The following AHI1 variants were observed in gnomAD, a reference collection of about 807,000 sequenced individuals.
AHI1 encodes Abelson helper integration site 1, also known as jouberin.
In AHI1, 123 loss-of-function variants were observed where a neutral mutation model predicts 149.3. The ratio of observed to expected loss-of-function variants is 0.82; its 90% confidence interval spans 0.71 to 0.96. The LOEUF (loss-of-function observed/expected upper bound fraction) is 0.96. Ranked by LOEUF, AHI1 falls within the 40% of genes least tolerant of loss-of-function variation. AHI1 has a pLI of 0.00. For synonymous variants in AHI1, 475 were observed against 459.8 expected (o/e 1.03, Z -0.42); for missense variants, 1,439 against 1,422.7 (o/e 1.01, Z -0.18).
At chr6:135,402,385 A>G (rs963416090) in intron 22 of AHI1, among the ~76,000 whole-genome samples, 1 of 152,222 alleles carries the variant, frequency 6.6e-6, no homozygotes, top group African/African-American at 2.4e-5. Flanking sequence ...TTGTAGGAGT[A>G]TTATCTTAAT....
intron 24 of AHI1, among the ~76,000 whole-genome samples, chr6:135,354,347 A>C (rs1792625915): frequency 6.6e-6 from 1 of 152,158 alleles, no homozygotes; most frequent in African/African-American, 2.4e-5. Flanking sequence ...AACAGTACTC[A>C]AGACACTAGA....
At chr6:135,310,400 G>A (rs1204232511) in intron 26 of AHI1, among the ~76,000 whole-genome samples, 1 of 152,162 alleles carries the variant, frequency 6.6e-6, no homozygotes, top group African/African-American at 2.4e-5. Context: ...AAAATTTTGC[G>A]TGTATGTGTG....
chr6:135,387,077 T>A (rs1286943190), intron 23 of AHI1, among the ~76,000 whole-genome samples: 1 of 152,108 alleles, frequency 6.6e-6, no homozygotes, highest in East Asian at 1.9e-4. Context: ...TAGACAGAGC[T>A]TCGTCATGTT....
chr6:135,421,736 A>G (rs1783191826), intron 20 of AHI1, among the ~76,000 whole-genome samples: 1 of 152,206 alleles, frequency 6.6e-6, no homozygotes, highest in Non-Finnish European at 1.5e-5. Context: ...AGTTTTCCAT[A>G]TGTCTTGAGT....
chr6:135,463,127 G>A lies in AHI1; in HGVS notation c.929C>T (p.Ala310Val). 1 of 1,572,858 alleles carries A rather than the reference G, an allele frequency of 6.4e-7. No individual in the cohort carries two copies. Among genetic ancestry groups the A allele is most frequent in the South Asian group, 1.2e-5 (1 of 81,598 alleles). Residue 310 changes from alanine to valine, a missense_variant and splice_region_variant, in exon 8 of 29, where the codon GCA becomes GTA. Transcript: ENST00000265602. Reference protein sequence around the residue: ...KPKKTKKKTKAVADNNEDVDG... With the variant: ...KPKKTKKKTKVVADNNEDVDG... Reference sequence around the variant, plus strand: ...TTCATTTAATTTGTATAGCAAACCTGCTTTAGTCTTCTTTTTTGTTTTTTT... The same window carrying A: ...TTCATTTAATTTGTATAGCAAACCTACTTTAGTCTTCTTTTTTGTTTTTTT...
intron 28 of AHI1, among the ~76,000 whole-genome samples, chr6:135,287,397 G>A (rs1240477487): frequency 6.6e-6 from 1 of 152,176 alleles, no homozygotes; most frequent in African/African-American, 2.4e-5. Context: ...CAAAGATGGC[G>A]CATAAAAGGG....
intron 23 of AHI1, among the ~76,000 whole-genome samples, chr6:135,364,954 T>TGGGAGC (rs1310717767): frequency 2.1e-5 from 3 of 144,040 alleles, no homozygotes; most frequent in African/African-American, 8.1e-5. Flanking sequence ...GGAGAGGGAG[T>TGGGAGC]GGGAGCGGGA....
chr6:135,479,163 C>A (rs1454025910), intron 5 of AHI1, among the ~76,000 whole-genome samples: 2 of 152,220 alleles, frequency 1.3e-5, no homozygotes, highest in African/African-American at 4.8e-5. Flanking sequence ...GGGGTTACAG[C>A]CCCCACACAG....
At position 135,448,404 on chromosome 6, in the gene AHI1, C is replaced by A; in HGVS notation, c.1512G>T (p.Lys504Asn). 1.2e-6 allele frequency: 2 copies of A among 1,603,672 alleles called. No homozygotes were observed. The highest frequency in any genetic ancestry group is 1.7e-6 in the Non-Finnish European group (2 of 1,173,240). ...CAACAACACTTAATGGGGATCGAGGCTTAGTAGGTGGGTAATATAGCTGCA... is the reference window on the plus strand; with the variant it reads ...CAACAACACTTAATGGGGATCGAGGATTAGTAGGTGGGTAATATAGCTGCA... ...LRLQLYYPPT[K>N]PRSPLSVVEA... The change falls in exon 12 of 29, where the codon AAG (lysine) becomes AAT (asparagine). Residue 504 changes from lysine (K) to asparagine (N), a missense_variant. Transcript: ENST00000265602.
chr6:135,450,972 G>T (rs935702172), intron 11 of AHI1, among the ~76,000 whole-genome samples: 1 of 150,318 alleles, frequency 6.7e-6, no homozygotes, highest in African/African-American at 2.4e-5. Flanking sequence ...GGTAATAAAA[G>T]ATTTAAATTT....
Position 135,427,164 on chromosome 6 carries a change from T to G in AHI1, c.2764+3A>C. 1 of 1,608,812 alleles carries G rather than the reference T, an allele frequency of 6.2e-7. No homozygotes were observed. Among genetic ancestry groups the G allele is most frequent in the Non-Finnish European group, 8.5e-7 (1 of 1,176,764 alleles). ...TTCTTTACTTATCAAGTGGTAGACTTACCATGGAAATCGTAAATATACAGA... is the reference window on the plus strand; with the variant it reads ...TTCTTTACTTATCAAGTGGTAGACTGACCATGGAAATCGTAAATATACAGA... On this transcript the variant is annotated splice_donor_region_variant and intron_variant, in intron 20 of 28. Transcript: ENST00000265602.
At chr6:135,339,253 T>A (rs1789916468) in intron 24 of AHI1, among the ~76,000 whole-genome samples, 1 of 152,210 alleles carries the variant, frequency 6.6e-6, no homozygotes, top group Non-Finnish European at 1.5e-5. Flanking sequence ...CCACATTATA[T>A]AATCTCAAAT....
intron 24 of AHI1, among the ~76,000 whole-genome samples, chr6:135,330,221 T>G (rs550701440): frequency 1.3e-5 from 2 of 152,234 alleles, no homozygotes; most frequent in African/African-American, 4.8e-5. Context: ...CAGCACTACA[T>G]GCTACAGAGA....
intron 5 of AHI1, among the ~76,000 whole-genome samples, chr6:135,471,848 T>TA (rs1791754222): frequency 6.6e-6 from 1 of 150,572 alleles, no homozygotes; most frequent in African/African-American, 2.4e-5. Context: ...CCGTCTCTAC[T>TA]AAAAATACAA....
intron 21 of AHI1, among the ~76,000 whole-genome samples, chr6:135,405,580 C>A (rs1177135602): frequency 1.3e-5 from 2 of 151,988 alleles, no homozygotes; most frequent in Non-Finnish European, 1.5e-5. Context: ...TCAAGTCTGG[C>A]CGGGTACGGT....
intron 23 of AHI1, among the ~76,000 whole-genome samples, chr6:135,377,142 G>A (rs1362706422): frequency 6.6e-6 from 1 of 151,912 alleles, no homozygotes; most frequent in East Asian, 1.9e-4. Context: ...ATTTTTCTTA[G>A]GTATGATAAT....
At position 135,411,475 on chromosome 6, in the gene AHI1, C is replaced by T; in HGVS notation, c.2834G>A (p.Ser945Asn). 3.1e-6 allele frequency: 5 copies of T among 1,613,160 alleles called. No homozygotes were observed. In the South Asian group the frequency reaches 4.4e-5, roughly 14 times the overall value. The change falls in exon 21 of 29, where the codon AGT becomes AAT. Residue 945 changes from serine (S) to asparagine (N), a missense_variant. Transcript: ENST00000265602. Reference sequence around the variant, plus strand: ...TGGACAGGTACATAGGGCATCTTGACTTTGGTGTATTCCAGGTAATGGAAA... The same window carrying T: ...TGGACAGGTACATAGGGCATCTTGATTTTGGTGTATTCCAGGTAATGGAAA... ...GTFPLPGIHQ[S>N]QDALCTCPKL...
chr6:135,474,382 T>C (rs1460589750), intron 5 of AHI1: 1 of 152,230 alleles, frequency 6.6e-6, no homozygotes, highest in Non-Finnish European at 1.5e-5. Flanking sequence ...ACACAGTGAC[T>C]GACACATGCT....
intron 23 of AHI1, among the ~76,000 whole-genome samples, chr6:135,394,390 T>A (rs1421095132): frequency 1.3e-5 from 2 of 152,058 alleles, no homozygotes; most frequent in East Asian, 1.9e-4. Flanking sequence ...ACAGGTTACA[T>A]CCTATTTCTG....
Sources: gnomAD v4.1 joint callset for allele counts (sites outside exome capture counted in the v4.1 genomes callset) on GRCh38, gnomAD v4.1.1 for gene constraint, MANE v1.5 for transcripts, NCBI Gene and HGNC (gene_info 2026-07-23, HGNC 2026-07-21) for gene names.